Variants in SURF2 observed in about 807,000 individuals in gnomAD.
SURF2 encodes the protein surfeit 2, also known as surfeit locus protein 2.
SURF2 carries 32 observed loss-of-function variants against 26.2 expected under a neutral mutation model. The ratio of observed to expected loss-of-function variants is 1.22; its 90% confidence interval spans 0.92 to 1.64. The LOEUF is 1.64. Among genes scored for constraint, SURF2 ranks in the 40% most tolerant of loss-of-function variants. The probability of loss-of-function intolerance (pLI) is 0.00; values close to 1 mark genes in which losing one functional copy is unlikely to be tolerated. For synonymous variants in SURF2, 173 were observed against 139.1 expected, an observed-to-expected ratio of 1.24 and a Z score of -1.71; for missense variants, 415 against 341.6, an observed-to-expected ratio of 1.21 and a Z score of -1.69.
chr9:133,358,577 GGA>G (rs1333525651), intron 3 of SURF2, among the ~76,000 whole-genome samples: 1 of 152,154 alleles, frequency 6.6e-6, no homozygotes, highest in African/African-American at 2.4e-5. Context: ...TTTAGAGAAG[GGA>G]GAGAGGCCTG....
chr9:133,357,035 T>G lies in SURF2; in HGVS notation c.200T>G (p.Phe67Cys), dbSNP rs2130032296. The G allele has an allele frequency of 6.3e-7, 1 of 1,577,588 alleles. No homozygotes were observed. The highest frequency in any genetic ancestry group is 8.6e-7 in the Non-Finnish European group (1 of 1,163,448). ...TCCCCGGCCTTCGACTATGCAGAGT[T>G]CGAGCCGCACATCGTGCCCAGCACC... ...RASPAFDYAE[F>C]EPHIVPSTKN... Residue 67 changes from phenylalanine (F) to cysteine (C), a missense_variant, in exon 2 of 6, where the codon TTC (phenylalanine) becomes TGC (cysteine). Physicochemically the swap from Phe to Cys is radical, Grantham distance 205 (BLOSUM62 -2). Transcript: ENST00000371964.
chr9:133,361,012 G>A, intron 5 of SURF2, 44 bp from the exon 6 acceptor site: 1 of 1,607,202 alleles, frequency 6.2e-7, no homozygotes, highest in Non-Finnish European at 8.5e-7. Flanking sequence ...CCTTCTCCAT[G>A]GGATCAGAAA....
chr9:133,356,914 G>A lies in SURF2; in HGVS notation c.79G>A (p.Val27Met). ...SLRLQTDARK[V>M]RCILTGHELP... ...GTCCTGCCCGCCCACGCGTCCGCAG[G>A]TGAGGTGCATCCTGACAGGTCACGA... is the stretch of plus-strand genomic sequence containing the variant. Residue 27 changes from valine to methionine, a missense_variant and splice_region_variant, in exon 2 of 6, where the codon GTG becomes ATG. Physicochemically the swap from Val to Met is conservative, Grantham distance 21. Transcript: ENST00000371964. The A allele has an allele frequency of 6.4e-7, 1 of 1,553,830 alleles. No individual in the cohort carries two copies. The highest frequency in any genetic ancestry group is 2.4e-5 in the East Asian group (1 of 41,464).
At chr9:133,357,442 C>T (rs1283148394) in intron 2 of SURF2, among the ~76,000 whole-genome samples, 1 of 152,150 alleles carries the variant, frequency 6.6e-6, no homozygotes. Context: ...AGCCCTTGCT[C>T]CAGGTGGAGC....
chr9:133,359,875 C>A, intron 3 of SURF2, 75 bp from the exon 4 acceptor site: 1 of 1,497,700 alleles, frequency 6.7e-7, no homozygotes, highest in Non-Finnish European at 8.9e-7. Context: ...CGAGTGCAGT[C>A]CTCATAAGTT....
In SURF2 at chr9:133,360,083, TGAG is replaced by T; in HGVS notation, c.473_475del (p.Glu158del). 6.2e-7 allele frequency: 1 copy of T among 1,613,732 alleles called. No homozygotes were observed. The highest frequency in any genetic ancestry group is 8.5e-7 in the Non-Finnish European group (1 of 1,179,814). On this transcript the variant is annotated inframe_deletion, in exon 4 of 6. Transcript: ENST00000371964. ...CCTTCTGGGAGCCCACATCCAGTGA[TGAG>T]GGGGGAGCTGCAAGTGATGACAGCA...
In SURF2 at chr9:133,360,004, G is replaced by T. The variant is rs2130046076; in HGVS notation, c.392G>T (p.Arg131Leu). 1.9e-6 allele frequency: 3 copies of T among 1,602,766 alleles called. No homozygotes were observed. Among genetic ancestry groups the T allele is most frequent in the Non-Finnish European group, 1.7e-6 (2 of 1,173,398 alleles). The change falls in exon 4 of 6, where the codon CGG becomes CTG. Residue 131 changes from arginine (R) to leucine (L), a missense_variant. Coordinates refer to ENST00000371964, the MANE Select transcript of SURF2 (RefSeq NM_017503.5). The part of the protein sequence containing the change: ...VEYVPACLVH[R>L]RRRREDQMDG... ...TACGTGCCTGCCTGCCTGGTGCACC[G>T]GAGGAGGAGGAGGGAGGACCAGATG...
intron 5 of SURF2, among the ~76,000 whole-genome samples, chr9:133,360,670 TTG>T (rs2130053784): frequency 2.0e-5 from 3 of 152,236 alleles, no homozygotes; most frequent in Non-Finnish European, 4.4e-5. Flanking sequence ...GACCACTGGT[TTG>T]TGAGGACACC....
chr9:133,356,597 G>A lies in SURF2; in HGVS notation c.5G>A (p.Ser2Asn), dbSNP rs2130028522. The A allele has an allele frequency of 6.6e-7, 1 of 1,524,188 alleles. No homozygotes were observed. Among genetic ancestry groups the A allele is most frequent in the Non-Finnish European group, 8.8e-7 (1 of 1,142,856 alleles). The allele number at this position is 1,524,188 out of a possible 1,614,324, so 94.4% of individuals were successfully genotyped here. A position where few individuals can be genotyped will look rare whatever the true frequency, so the allele number is the denominator to read the frequency against. Residue 2 changes from serine to asparagine, a missense_variant, in exon 1 of 6, where the codon AGC becomes AAC. Ser to Asn is a conservative substitution (Grantham distance 46). Coordinates refer to ENST00000371964, the MANE Select transcript of SURF2 (RefSeq NM_017503.5). M[S>N]ELPGDVRAFL... is the part of the protein sequence containing the mutation. ...TGCTCCGCGGGCGCGTCGGCCATGA[G>A]CGAGTTGCCGGGCGACGTGCGGGCG...
At chr9:133,359,889 T>C in intron 3 of SURF2, 61 bp from the exon 4 acceptor site, 12 of 1,524,848 alleles carry the variant, frequency 7.9e-6, no homozygotes, top group Non-Finnish European at 1.1e-5. Context: ...ATAAGTTAGC[T>C]GTGGCCCAGA....
chr9:133,357,128 A>G, intron 2 of SURF2, 60 bp downstream of exon 2: 2 of 1,442,960 alleles, frequency 1.4e-6, no homozygotes, highest in South Asian at 2.9e-5. Context: ...CCTCCGCTGG[A>G]CTCCGCCAGT....
intron 3 of SURF2, among the ~76,000 whole-genome samples, chr9:133,359,663 C>T (rs1836700839): frequency 6.6e-6 from 1 of 152,256 alleles, no homozygotes; most frequent in South Asian, 2.1e-4. Context: ...TGGGCCTGGT[C>T]AGTGCCCTCC....
intron 1 of SURF2, 100 bp downstream of exon 1, chr9:133,356,770 A>C: frequency 8.7e-7 from 1 of 1,143,736 alleles, no homozygotes; most frequent in South Asian, 1.6e-5. Flanking sequence ...GGGAGAGGGG[A>C]GAGGGGAGAG....
Position 133,357,693 on chromosome 9 carries a change from G to A in SURF2, c.234-18G>A. ...TGCTGTGAACTGTCCCTACAAATTT[G>A]GTCTCTCTGCTCTGTAGGCACCAGT... On this transcript the variant is annotated intron_variant, in intron 2 of 5. Coordinates refer to ENST00000371964, the MANE Select transcript of SURF2 (RefSeq NM_017503.5). 6.2e-7 allele frequency: 1 copy of A among 1,612,306 alleles called. No individual in the cohort carries two copies.
At chr9:133,360,209 G>A (rs1836725188) in intron 4 of SURF2, 56 bp from the exon 5 acceptor site, 5 of 1,598,090 alleles carry the variant, frequency 3.1e-6, no homozygotes, top group Non-Finnish European at 4.3e-6. Context: ...CCCCTGCAAA[G>A]GTGGCAGCGA....
intron 3 of SURF2, among the ~76,000 whole-genome samples, chr9:133,358,408 G>GT (rs1204223510): frequency 6.6e-6 from 1 of 152,132 alleles, no homozygotes; most frequent in African/African-American, 2.4e-5. Context: ...AAGACGGTGG[G>GT]TTTTGGGGGG....
rs369114896 is a variant in SURF2 at position 133,357,815 on chromosome 9, G to C, written c.337+1G>C. 6.2e-7 allele frequency: 1 copy of C among 1,613,040 alleles called. No homozygotes were observed. The highest frequency in any genetic ancestry group is 2.2e-5 in the East Asian group (1 of 44,894). On this transcript the variant is annotated splice_donor_variant, in intron 3 of 5. Transcript: ENST00000371964. LOFTEE classifies it high-confidence loss of function. ...CGGTACCAGCGAGCTCTGTGTAAATGTAAGTCCCAGTGGACCCCCATCAGT... is the reference window on the plus strand; with the variant it reads ...CGGTACCAGCGAGCTCTGTGTAAATCTAAGTCCCAGTGGACCCCCATCAGT...
At position 133,360,141 on chromosome 9, in the gene SURF2, A is replaced by C; in HGVS notation, c.517+12A>C. 1 of 1,595,452 alleles carries C rather than the reference A, an allele frequency of 6.3e-7. No individual in the cohort carries two copies. Among genetic ancestry groups the C allele is most frequent in the Non-Finnish European group, 8.6e-7 (1 of 1,168,494 alleles). On this transcript the variant is annotated intron_variant, in intron 4 of 5. Transcript: ENST00000371964. ...AGACCTGTACCCACGTAAGCAGAAC[A>C]GGCCCTGCTTCTCCCTGACCCTCTA...
intron 3 of SURF2, among the ~76,000 whole-genome samples, chr9:133,358,475 A>G (rs1836670318): frequency 6.6e-6 from 1 of 152,122 alleles, no homozygotes; most frequent in Non-Finnish European, 1.5e-5. Context: ...AAAGGTGTGT[A>G]TTAGGGAAGT....
Sources: gnomAD v4.1 joint callset for allele counts (sites outside exome capture counted in the v4.1 genomes callset) on GRCh38, gnomAD v4.1.1 for gene constraint, MANE v1.5 for transcripts, NCBI Gene and HGNC (gene_info 2026-07-23, HGNC 2026-07-21) for gene names.